GBX1: variants seen among roughly 807,000 people sequenced by gnomAD.
GBX1 encodes homeobox protein GBX-1.
GBX1 carries 9 observed loss-of-function variants against 22.9 expected under a neutral mutation model. That is an observed-to-expected ratio of 0.39 (90% CI 0.24 to 0.69). The LOEUF (loss-of-function observed/expected upper bound fraction) is 0.69, where lower values mean the gene tolerates loss of function less well. Among genes scored for constraint, GBX1 ranks in the 30% least tolerant of loss-of-function variants. The probability of loss-of-function intolerance (pLI) is 0.43; values close to 1 mark genes in which losing one functional copy is unlikely to be tolerated. For synonymous variants in GBX1, 203 were observed against 227.3 expected (o/e 0.89, Z 0.96); for missense variants, 494 against 509.2 (o/e 0.97, Z 0.29).
At chr7:151,152,131 T>C (rs937841777) in intron 1 of GBX1, among the ~76,000 whole-genome samples, 6 of 152,230 alleles carry the variant, frequency 3.9e-5, no homozygotes, top group African/African-American at 1.2e-4. Context: ...GTCTTGAAAA[T>C]GACCTGACAC....
chr7:151,149,974 T>C (rs978269579), intron 1 of GBX1: 8 of 455,838 alleles, frequency 1.8e-5, no homozygotes, highest in Non-Finnish European at 2.6e-5. Context: ...TGTTTTCTGC[T>C]CAAGTTCAGA....
At chr7:151,166,267 A>T (rs1372071402) in intron 1 of GBX1, among the ~76,000 whole-genome samples, 1 of 152,076 alleles carries the variant, frequency 6.6e-6, no homozygotes, top group Non-Finnish European at 1.5e-5. Context: ...ATTATCTGTC[A>T]GCTGAATCTT....
chr7:151,160,949 C>G (rs1801182595), intron 1 of GBX1, among the ~76,000 whole-genome samples: 1 of 152,110 alleles, frequency 6.6e-6, no homozygotes, highest in Non-Finnish European at 1.5e-5. Context: ...GGGCATTTCC[C>G]CATTCCCTCC....
intron 1 of GBX1, among the ~76,000 whole-genome samples, chr7:151,163,765 C>T (rs1486385785): frequency 6.6e-6 from 1 of 152,108 alleles, no homozygotes; most frequent in Non-Finnish European, 1.5e-5. Context: ...TCTATTGAGT[C>T]ATACTTTAAT....
intron 1 of GBX1, among the ~76,000 whole-genome samples, chr7:151,154,537 T>TA (rs773312656): frequency 5.5e-4 from 84 of 152,350 alleles, no homozygotes; most frequent in Middle Eastern, 3.4e-3. Flanking sequence ...GAGTCTAATC[T>TA]GTGAAAAACA....
At chr7:151,158,001 G>C (rs1213153412) in intron 1 of GBX1, among the ~76,000 whole-genome samples, 1 of 152,222 alleles carries the variant, frequency 6.6e-6, no homozygotes, top group Non-Finnish European at 1.5e-5. Context: ...TGAAGACAGA[G>C]AGAGGAGCCA....
intron 1 of GBX1, among the ~76,000 whole-genome samples, chr7:151,161,989 G>A (rs1165573352): frequency 6.6e-6 from 1 of 152,202 alleles, no homozygotes; most frequent in Non-Finnish European, 1.5e-5. Flanking sequence ...TAAGTCTGTA[G>A]TAATAGACAG....
chr7:151,166,508 T>A (rs1584806722), intron 1 of GBX1, among the ~76,000 whole-genome samples: 1 of 79,854 alleles, frequency 1.3e-5, no homozygotes, highest in Non-Finnish European at 2.3e-5. Flanking sequence ...ACACACACAC[T>A]CTTTTTGCCC....
rs1801267084 is a variant in GBX1 at position 151,167,198 on chromosome 7, C to T, written c.351G>A (p.Gly117=). Residue 117 remains glycine, a synonymous_variant, in exon 1 of 2, where the codon GGG becomes GGA. Transcript: ENST00000297537. This position sits in a 1 kb window ranked among gnomAD's most constrained non-coding sequence, Gnocchi z 5.9. The part of the protein sequence containing the change: ...SFAEPPDAFY[G]PQELAAAAAA... ...CAGCGGCGGCGGCGAGCTCCTGGGG[C>T]CCGTAGAAAGCGTCGGGCGGCTCCG... 6.4e-7 allele frequency: 1 copy of T among 1,569,798 alleles called. No individual in the cohort carries two copies. Among genetic ancestry groups the T allele is most frequent in the African/African-American group, 1.4e-5 (1 of 72,348 alleles).
At chr7:151,156,241 G>T (rs781450580) in intron 1 of GBX1, among the ~76,000 whole-genome samples, 19 of 151,588 alleles carry the variant, frequency 1.3e-4, no homozygotes, top group Admixed American at 9.9e-4. Context: ...AAAAAAATTA[G>T]CTGGGCACAT....
chr7:151,157,426 T>A (rs1801147784), intron 1 of GBX1, among the ~76,000 whole-genome samples: 1 of 152,204 alleles, frequency 6.6e-6, no homozygotes. Flanking sequence ...CACTGAGCGA[T>A]GGAAATTTTT....
At chr7:151,150,933 T>C (rs1481859578) in intron 1 of GBX1, among the ~76,000 whole-genome samples, 6 of 152,216 alleles carry the variant, frequency 3.9e-5, no homozygotes, top group Admixed American at 6.5e-5. Flanking sequence ...GATCTCACTA[T>C]GTTGCCCAGG....
Position 151,165,141 on chromosome 7 carries a change from C to T in GBX1, c.538+1870G>A, listed in dbSNP as rs1027101799. ...GTATATTCCAGTATACAACTCATCCCCTGGTCCTTTCCTCTATTCTTGTTT... is the reference window on the plus strand; with the variant it reads ...GTATATTCCAGTATACAACTCATCCTCTGGTCCTTTCCTCTATTCTTGTTT... On this transcript the variant is annotated intron_variant, in intron 1 of 1. Coordinates refer to ENST00000297537, the MANE Select transcript of GBX1 (RefSeq NM_001098834.3). Among the ~76,000 whole-genome samples, 8 of 152,252 alleles carry T rather than the reference C, an allele frequency of 5.3e-5. No homozygotes were observed. The South Asian group carries it at 1.7e-3, about 32-fold the overall frequency.
At chr7:151,149,356 A>T (rs1250761019) in intron 1 of GBX1, among the ~76,000 whole-genome samples, 1 of 152,160 alleles carries the variant, frequency 6.6e-6, no homozygotes, top group African/African-American at 2.4e-5. Context: ...AAACAAAGAA[A>T]TGGGAAGAAA....
chr7:151,158,896 G>A (rs1801163783), intron 1 of GBX1, among the ~76,000 whole-genome samples: 1 of 152,082 alleles, frequency 6.6e-6, no homozygotes, highest in South Asian at 2.1e-4. Context: ...CCTTAACCCT[G>A]TGAGGTAAAT....
intron 1 of GBX1, among the ~76,000 whole-genome samples, chr7:151,153,855 G>C (rs1801106331): frequency 6.6e-6 from 1 of 152,134 alleles, no homozygotes; most frequent in Admixed American, 6.5e-5. Context: ...GAGCCACCAT[G>C]GCTGGCAAGA....
At chr7:151,153,522 A>G (rs1176980964) in intron 1 of GBX1, among the ~76,000 whole-genome samples, 4 of 151,932 alleles carry the variant, frequency 2.6e-5, no homozygotes, top group Non-Finnish European at 4.4e-5. Context: ...AAAATTTGCT[A>G]TTGACTAAAA....
intron 1 of GBX1, among the ~76,000 whole-genome samples, chr7:151,152,691 G>C (rs1008456410): frequency 1.3e-5 from 2 of 152,138 alleles, no homozygotes; most frequent in African/African-American, 4.8e-5. Context: ...AGGCTCCCAG[G>C]TTCCCGATCT....
At chr7:151,164,815 G>C (rs559518144) in intron 1 of GBX1, among the ~76,000 whole-genome samples, 1 of 103,426 alleles carries the variant, frequency 9.7e-6, no homozygotes, top group African/African-American at 3.9e-5. Context: ...CATTTTCCTC[G>C]GATGATGAAG....
Sources: allele counts gnomAD v4.1 joint callset (sites outside exome capture counted in the v4.1 genomes callset), GRCh38; gene constraint gnomAD v4.1.1; non-coding constraint Gnocchi (gnomAD v3.1); transcripts MANE v1.5; gene names NCBI Gene and HGNC (gene_info 2026-07-23, HGNC 2026-07-21).